Variants in NPEPPS observed in about 807,000 individuals in gnomAD.
NPEPPS encodes puromycin-sensitive aminopeptidase.
NPEPPS carries 14 observed loss-of-function variants against 115.5 expected under a neutral mutation model. The ratio of observed to expected loss-of-function variants is 0.12; its 90% confidence interval spans 0.08 to 0.19. The LOEUF is 0.19. Ranked by LOEUF, NPEPPS falls within the 10% of genes least tolerant of loss-of-function variation. The pLI is 1.00. For missense variants in NPEPPS, 523 were observed against 1,110.8 expected, an observed-to-expected ratio of 0.47 and a Z score of 7.52; for synonymous variants, 285 against 390.6, an observed-to-expected ratio of 0.73 and a Z score of 3.19.
intron 2 of NPEPPS, among the ~76,000 whole-genome samples, chr17:47,562,086 C>T (rs1187190090): frequency 6.6e-6 from 1 of 152,210 alleles, no homozygotes; most frequent in East Asian, 1.9e-4. Flanking sequence ...ATGCCTTGTT[C>T]TGTGCACCTC....
At chr17:47,599,618 A>G (rs1033653046) in intron 13 of NPEPPS, 58 bp from the exon 14 acceptor site, 2 of 1,465,924 alleles carry the variant, frequency 1.4e-6, no homozygotes, top group African/African-American at 2.8e-5. Context: ...CTTCAAAAAC[A>G]AAAACCAAAA....
At chr17:47,584,915 C>A (rs1912093465) in intron 5 of NPEPPS, among the ~76,000 whole-genome samples, 1 of 152,224 alleles carries the variant, frequency 6.6e-6, no homozygotes, top group South Asian at 2.1e-4. Flanking sequence ...GCAAGCTCCG[C>A]CTCCCTAGTT....
At position 47,604,062 on chromosome 17, in the gene NPEPPS, G is replaced by C; in HGVS notation, c.1875+13G>C. The C allele has an allele frequency of 6.3e-7, 1 of 1,599,934 alleles. No homozygotes were observed. Among genetic ancestry groups the C allele is most frequent in the East Asian group, 2.2e-5 (1 of 44,572 alleles). On this transcript the variant is annotated intron_variant, in intron 16 of 22. Transcript: ENST00000322157. ...CCTCTTCTCCTTGGTGAGCATCTGTGACTTAAGTAATATGATGGATTTTGC... is the reference window on the plus strand; with the variant it reads ...CCTCTTCTCCTTGGTGAGCATCTGTCACTTAAGTAATATGATGGATTTTGC...
chr17:47,534,417 A>G (rs1908045642), intron 1 of NPEPPS, among the ~76,000 whole-genome samples: 1 of 152,094 alleles, frequency 6.6e-6, no homozygotes, highest in Non-Finnish European at 1.5e-5. Flanking sequence ...TTTATGACTG[A>G]TATTGGATCA....
intron 2 of NPEPPS, among the ~76,000 whole-genome samples, chr17:47,547,747 C>A (rs988269634): frequency 1.3e-5 from 2 of 152,146 alleles, no homozygotes; most frequent in African/African-American, 4.8e-5. Context: ...TAATTTACGG[C>A]CGGGCGCGGT....
In NPEPPS at chr17:47,619,281, CA is replaced by C. The variant is rs762859290; in HGVS notation, c.2559+118del. On this transcript the variant is annotated intron_variant, in intron 21 of 22. Coordinates refer to ENST00000322157, the MANE Select transcript of NPEPPS (RefSeq NM_006310.4). ...TTTAAATGTTTCCTGTGGCCAGGTG[CA>C]GTGGCTCACGCCTGTAATACCAGCA... is the stretch of plus-strand genomic sequence containing the variant. 2.9e-6 allele frequency: 3 copies of C among 1,029,696 alleles called. No homozygotes were observed. The South Asian group carries it at 4.2e-5, about 15-fold the overall frequency. 63.8% of individuals were successfully genotyped at this position (1,029,696 alleles called of 1,614,324 possible). A position where few individuals can be genotyped will look rare whatever the true frequency, so the allele number is the denominator to read the frequency against.
intron 2 of NPEPPS, among the ~76,000 whole-genome samples, chr17:47,562,620 G>T (rs1244798023): frequency 6.6e-6 from 1 of 151,258 alleles, no homozygotes; most frequent in Non-Finnish European, 1.5e-5. Flanking sequence ...GTGTGTGTGT[G>T]TGTGTGTGTG....
upstream of NPEPPS, among the ~76,000 whole-genome samples, chr17:47,530,361 T>TG (rs1907648914): frequency 7.3e-6 from 1 of 137,628 alleles, no homozygotes; most frequent in Non-Finnish European, 1.6e-5. Flanking sequence ...GTTTTTTTTT[T>TG]TTTTTTTTTT....
chr17:47,541,283 A>C (rs1161856135), intron 1 of NPEPPS, among the ~76,000 whole-genome samples: 1 of 152,022 alleles, frequency 6.6e-6, no homozygotes, highest in Non-Finnish European at 1.5e-5. Flanking sequence ...CACAGTTATT[A>C]TTTTGCTGGC....
chr17:47,556,960 A>G (rs1280351035), intron 2 of NPEPPS, among the ~76,000 whole-genome samples: 1 of 152,078 alleles, frequency 6.6e-6, no homozygotes, highest in Non-Finnish European at 1.5e-5. Flanking sequence ...TTTTTTCTTG[A>G]TCCCAGATCT....
At chr17:47,535,830 T>C (rs1908200066) in intron 1 of NPEPPS, among the ~76,000 whole-genome samples, 2 of 145,396 alleles carry the variant, frequency 1.4e-5, no homozygotes, top group Admixed American at 7.2e-5. Flanking sequence ...TAATTGGGTA[T>C]TCTTTTTTTT....
intron 2 of NPEPPS, among the ~76,000 whole-genome samples, chr17:47,560,575 T>C (rs982105839): frequency 1.3e-5 from 2 of 152,210 alleles, no homozygotes; most frequent in Non-Finnish European, 2.9e-5. Flanking sequence ...GGAGGTCACC[T>C]TGAAGCTTTG....
intron 1 of NPEPPS, among the ~76,000 whole-genome samples, chr17:47,534,967 G>A (rs1287083857): frequency 3.3e-5 from 5 of 151,934 alleles, no homozygotes; most frequent in African/African-American, 4.8e-5. Context: ...TGTCTTGGCC[G>A]GGCACGGTGG....
chr17:47,590,227 T>G (rs1287238925), intron 9 of NPEPPS, among the ~76,000 whole-genome samples: 1 of 152,014 alleles, frequency 6.6e-6, no homozygotes, highest in African/African-American at 2.4e-5. Flanking sequence ...TACAATGTTT[T>G]GAAAATATCC....
At chr17:47,559,410 G>C (rs1910281206) in intron 2 of NPEPPS, among the ~76,000 whole-genome samples, 1 of 151,782 alleles carries the variant, frequency 6.6e-6, no homozygotes, top group African/African-American at 2.4e-5. Flanking sequence ...TCTTTGTTTT[G>C]CTTGGTTTTG....
intron 19 of NPEPPS, among the ~76,000 whole-genome samples, chr17:47,615,102 G>A (rs1186593382): frequency 2.3e-5 from 3 of 129,256 alleles, no homozygotes; most frequent in South Asian, 2.4e-4. Flanking sequence ...TTTTTGAGAC[G>A]GAGTCTCACT....
intron 1 of NPEPPS, among the ~76,000 whole-genome samples, chr17:47,543,399 C>T (rs563116859): frequency 1.7e-4 from 25 of 151,372 alleles, no homozygotes; most frequent in African/African-American, 5.8e-4. Context: ...CTCACTGCAA[C>T]CTCCACTGCC....
intron 13 of NPEPPS, among the ~76,000 whole-genome samples, chr17:47,599,253 G>A (rs1016526325): frequency 4.6e-5 from 7 of 152,036 alleles, no homozygotes; most frequent in African/African-American, 1.7e-4. Context: ...TTTCCCTGTG[G>A]CATCAAAGTG....
At chr17:47,601,276 G>C (rs1913180217) in intron 14 of NPEPPS, among the ~76,000 whole-genome samples, 1 of 151,816 alleles carries the variant, frequency 6.6e-6, no homozygotes, top group African/African-American at 2.4e-5. Flanking sequence ...ATTTTTTGTT[G>C]TTGTTGTTGT....
Sources: gnomAD v4.1 joint callset for allele counts (sites outside exome capture counted in the v4.1 genomes callset) on GRCh38, gnomAD v4.1.1 for gene constraint, MANE v1.5 for transcripts, NCBI Gene and HGNC (gene_info 2026-07-23, HGNC 2026-07-21) for gene names.